C2CD3: variants seen among roughly 807,000 people sequenced by gnomAD.
C2CD3 encodes C2 domain-containing protein 3.
C2CD3 carries 148 observed loss-of-function variants against 234.0 expected under a neutral mutation model. The observed-to-expected ratio is 0.63, with a 90% CI of 0.55 to 0.72. The LOEUF is 0.72. Among genes scored for constraint, C2CD3 ranks in the 30% least tolerant of loss-of-function variants. The pLI is 0.00. For synonymous variants in C2CD3, 1,000 were observed against 1,035.4 expected (o/e 0.97, Z 0.66); for missense variants, 2,577 against 2,811.5 (o/e 0.92, Z 1.89).
At chr11:74,152,060 C>G (rs946071297) in intron 3 of C2CD3, among the ~76,000 whole-genome samples, 4 of 152,078 alleles carry the variant, frequency 2.6e-5, no homozygotes, top group African/African-American at 9.7e-5. Flanking sequence ...ACTCAAGTCA[C>G]TGGTAGAAAA....
At chr11:74,100,886 A>C (rs958412904) in intron 14 of C2CD3, among the ~76,000 whole-genome samples, 3 of 152,196 alleles carry the variant, frequency 2.0e-5, no homozygotes, top group African/African-American at 7.2e-5. Flanking sequence ...GATACAAAAC[A>C]GTGAGTTCTC....
At chr11:74,148,509 G>C (rs1473073388) in intron 3 of C2CD3, among the ~76,000 whole-genome samples, 1 of 151,938 alleles carries the variant, frequency 6.6e-6, no homozygotes, top group Non-Finnish European at 1.5e-5. Context: ...AATAGCATAA[G>C]TTTGATACTT....
intron 24 of C2CD3, chr11:74,070,907 A>G (rs535792932): frequency 2.6e-5 from 4 of 152,162 alleles, no homozygotes; most frequent in African/African-American, 9.6e-5. Flanking sequence ...TCATTCAGCA[A>G]ACTTGCTCCT....
Position 74,103,392 on chromosome 11 carries a change from A to G in C2CD3, c.2319T>C (p.Pro773=). The part of the protein sequence containing the change: ...LVLPNRKSPS[P]VAPHPSTFVA... ...CGAAGGTTGAAGGATGTGGTGCTAC[A>G]GGGCTTGGTGACTTTCGGTTGGGGA... The change falls in exon 14 of 33, where the codon CCT becomes CCC. Residue 773 remains proline, a synonymous_variant. Transcript: ENST00000334126. 2 of 1,614,214 alleles carry G rather than the reference A, an allele frequency of 1.2e-6. No individual in the cohort carries two copies. The highest frequency in any genetic ancestry group is 1.7e-6 in the Non-Finnish European group (2 of 1,180,038).
chr11:74,127,637 G>A (rs1433768612), intron 7 of C2CD3, among the ~76,000 whole-genome samples: 4 of 152,082 alleles, frequency 2.6e-5, no homozygotes, highest in Non-Finnish European at 4.4e-5. Context: ...AAATTTTATT[G>A]TTTTCTGTCA....
rs1271907897 is a variant in C2CD3, at chr11:74,170,331, G to C, written c.55+407C>G. Among the ~76,000 whole-genome samples the C allele has an allele frequency of 5.3e-5, 8 of 152,072 alleles. No homozygotes were observed. The East Asian group carries it at 1.5e-3, about 29-fold the overall frequency. ...CTTTGTACTAATCCTTGGTCATTCA[G>C]TAATGTATAAAACGTGATTCTTGCC... On this transcript the variant is annotated intron_variant, in intron 1 of 32. Transcript: ENST00000334126.
intron 20 of C2CD3, among the ~76,000 whole-genome samples, chr11:74,089,579 C>T (rs1219017446): frequency 6.6e-6 from 1 of 152,176 alleles, no homozygotes; most frequent in Non-Finnish European, 1.5e-5. Flanking sequence ...TCAGCTACAA[C>T]AGGGAAAAAG....
chr11:74,049,246 T>C, intron 27 of C2CD3, 91 bp downstream of exon 27: 1 of 1,066,364 alleles, frequency 9.4e-7, no homozygotes, highest in Non-Finnish European at 1.4e-6. Context: ...TAACGTATTC[T>C]ATAAGCCGGA....
rs72379516 is a variant in C2CD3, at chr11:74,073,586, C to CA, written c.4951+666dup. On this transcript the variant is annotated intron_variant, in intron 24 of 32. Coordinates refer to ENST00000334126, the MANE Select transcript of C2CD3 (RefSeq NM_001286577.2). ...TGGGCGACAGAGCAAGACTTTGTTT[C>CA]AAAAAAAAAAAAAAAAAAATCAAAA... Among the ~76,000 whole-genome samples, 373 of 114,540 alleles carry CA rather than the reference C, an allele frequency of 3.3e-3. 3 individuals carry two copies. The highest frequency in any genetic ancestry group is 0.018 in the East Asian group (67 of 3,782). 75.1% of individuals were successfully genotyped at this position (114,540 alleles called of 152,430 possible).
Position 74,033,601 on chromosome 11 carries a change from T to C in C2CD3, c.6559A>G (p.Ser2187Gly). 6.5e-7 allele frequency: 1 copy of C among 1,536,208 alleles called. No homozygotes were observed. The highest frequency in any genetic ancestry group is 2.4e-5 in the East Asian group (1 of 40,910). Residue 2187 changes from serine (S) to glycine (G), a missense_variant, in exon 31 of 33, where the codon AGC becomes GGC. By Grantham distance (56) the Ser-to-Gly change is moderately conservative. Transcript: ENST00000334126. ...GGTGAGCTCCATCCAACAAACGTGC[T>C]GCTCTGTTGAGCTCCTGAGAGTGTT... Reference protein sequence around the residue: ...CPTLSGAQQSSTFVGWSSPQT... With the variant: ...CPTLSGAQQSGTFVGWSSPQT...
intron 24 of C2CD3, among the ~76,000 whole-genome samples, chr11:74,062,748 A>T (rs1954306561): frequency 6.6e-6 from 1 of 151,810 alleles, no homozygotes; most frequent in African/African-American, 2.4e-5. Flanking sequence ...TTCAAAAGCT[A>T]GCAGAAGGGA....
intron 15 of C2CD3, 126 bp downstream of exon 15, chr11:74,100,399 T>C (rs762749126): frequency 4.7e-6 from 4 of 858,420 alleles, no homozygotes; most frequent in Non-Finnish European, 5.4e-6. Flanking sequence ...GCAACTCTGT[T>C]GAAACTGGAA....
chr11:74,124,111 G>T (rs776905653), intron 7 of C2CD3, among the ~76,000 whole-genome samples: 2 of 152,072 alleles, frequency 1.3e-5, no homozygotes, highest in Non-Finnish European at 2.9e-5. Context: ...GGCAAAGTAT[G>T]CATATATTTC....
intron 9 of C2CD3, among the ~76,000 whole-genome samples, chr11:74,117,689 G>A (rs569377060): frequency 3.2e-4 from 48 of 152,000 alleles, no homozygotes; most frequent in Admixed American, 7.2e-4. Flanking sequence ...CAAGGTGGGC[G>A]GATCACCTGA....
intron 23 of C2CD3, among the ~76,000 whole-genome samples, chr11:74,076,296 C>G (rs1446128637): frequency 6.6e-6 from 1 of 152,200 alleles, no homozygotes; most frequent in Non-Finnish European, 1.5e-5. Context: ...CTCCTCTAGC[C>G]TGGCCCACCC....
chr11:74,057,629 G>T, intron 24 of C2CD3, 85 bp from the exon 25 acceptor site: 1 of 1,390,830 alleles, frequency 7.2e-7, no homozygotes, highest in Non-Finnish European at 1.0e-6. Flanking sequence ...ACTATTCCTG[G>T]CCCTCTTCTT....
At chr11:74,014,171 T>G (rs1951795752) in intron 32 of C2CD3, among the ~76,000 whole-genome samples, 4 of 152,188 alleles carry the variant, frequency 2.6e-5, no homozygotes, top group Admixed American at 2.6e-4. Flanking sequence ...TTTCTTTCTT[T>G]TTTCTTACTC....
intron 32 of C2CD3, among the ~76,000 whole-genome samples, chr11:74,023,550 C>T (rs934320302): frequency 3.3e-5 from 5 of 152,236 alleles, no homozygotes; most frequent in Admixed American, 1.3e-4. Context: ...TCTGCTTTAG[C>T]ACCCATCTTC....
rs566658381 is a variant in C2CD3, at chr11:74,112,109, A to G, written c.1843+1671T>C. Among the ~76,000 whole-genome samples, 19 of 152,346 alleles carry G rather than the reference A, an allele frequency of 1.2e-4. No homozygotes were observed. The East Asian group carries it at 3.5e-3, about 28-fold the overall frequency. On this transcript the variant is annotated intron_variant, in intron 11 of 32. Transcript: ENST00000334126. ...AATGGATTATCTATTTCAAAAAGGA[A>G]ACAAAACAAAGCAAAGTAAAAATTT... is the stretch of plus-strand genomic sequence containing the variant.
Sources: allele counts gnomAD v4.1 joint callset (sites outside exome capture counted in the v4.1 genomes callset), GRCh38; gene constraint gnomAD v4.1.1; transcripts MANE v1.5; gene names NCBI Gene and HGNC (gene_info 2026-07-23, HGNC 2026-07-21).